Variants in INTS7 observed in about 807,000 individuals in gnomAD.
INTS7 encodes the protein chromosome 1 open reading frame 73.
In INTS7, 46 loss-of-function variants were observed where a neutral mutation model predicts 109.2. The ratio of observed to expected loss-of-function variants is 0.42; its 90% CI spans 0.33 to 0.54. The LOEUF (loss-of-function observed/expected upper bound fraction) is 0.54, where lower values mean the gene tolerates loss of function less well. Ranked by LOEUF, INTS7 falls within the 20% of genes least tolerant of loss-of-function variation. INTS7 has a pLI of 0.07. For missense variants in INTS7, 929 were observed against 1,132.4 expected (o/e 0.82, Z 2.58); for synonymous variants, 412 against 402.9 (o/e 1.02, Z -0.27).
At chr1:211,973,154 C>T (rs908292613) in intron 13 of INTS7, among the ~76,000 whole-genome samples, 3 of 152,140 alleles carry the variant, frequency 2.0e-5, no homozygotes, top group Non-Finnish European at 4.4e-5. Context: ...CAACATTGCC[C>T]AGGCTGGTCT....
chr1:212,024,761 ATAGTCTGC>A lies in INTS7; in HGVS notation c.95-3557_95-3550del, dbSNP rs561699067. On this transcript the variant is annotated intron_variant, in intron 1 of 19. Transcript: ENST00000366994. ...GCAGCTTTGAAATGATTACAAACAC[ATAGTCTGC>A]TATTGTGAGTGAAATTTTCTGCTGT... 2.0e-4 allele frequency among the ~76,000 whole-genome samples: 30 copies of A among 152,332 alleles called. 1 individual carries two copies. The South Asian group carries it at 3.1e-3, about 16-fold the overall frequency.
intron 1 of INTS7, among the ~76,000 whole-genome samples, chr1:212,028,118 C>A (rs556558425): frequency 7.2e-5 from 11 of 152,310 alleles, no homozygotes; most frequent in African/African-American, 2.2e-4. Context: ...TGAGCCACTG[C>A]GCCCAGCCAG....
chr1:211,943,819 A>T (rs1318572548), intron 19 of INTS7, among the ~76,000 whole-genome samples: 7 of 152,210 alleles, frequency 4.6e-5, no homozygotes, highest in Non-Finnish European at 7.4e-5. Flanking sequence ...TGCCACAATA[A>T]ACCTGGACAC....
At chr1:212,001,752 C>T (rs1385186922) in intron 7 of INTS7, among the ~76,000 whole-genome samples, 2 of 152,206 alleles carry the variant, frequency 1.3e-5, no homozygotes, top group African/African-American at 4.8e-5. Flanking sequence ...GCGAATATGG[C>T]TGCAGTAGCT....
chr1:212,034,039 C>T (rs1332005548), intron 1 of INTS7, among the ~76,000 whole-genome samples: 1 of 151,778 alleles, frequency 6.6e-6, no homozygotes, highest in Non-Finnish European at 1.5e-5. Flanking sequence ...GCCGAGATGG[C>T]GCCACTGCAC....
At chr1:211,956,898 A>C (rs769879724) in intron 16 of INTS7, among the ~76,000 whole-genome samples, 3 of 152,234 alleles carry the variant, frequency 2.0e-5, no homozygotes, top group Admixed American at 6.5e-5. Flanking sequence ...ATTTGTGTAT[A>C]CATCTGTGTG....
chr1:212,012,786 G>A (rs182158786), intron 4 of INTS7, among the ~76,000 whole-genome samples: 3 of 152,216 alleles, frequency 2.0e-5, no homozygotes, highest in Admixed American at 2.0e-4. Flanking sequence ...TTTGCAGAGT[G>A]AAATAAAATT....
rs568265478 is a variant in INTS7 at position 211,988,597 on chromosome 1, T to C, written c.880-594A>G. 1.1e-4 allele frequency among the ~76,000 whole-genome samples: 16 copies of C among 152,288 alleles called. No homozygotes were observed. The South Asian group carries it at 2.9e-3, about 28-fold the overall frequency. On this transcript the variant is annotated intron_variant, in intron 7 of 19. Coordinates refer to ENST00000366994, the MANE Select transcript of INTS7 (RefSeq NM_015434.4). ...GTTAATAATAACAATGTATCAATAT[T>C]GGTTCATTTATAACAAAAGTACTAT...
chr1:212,011,624 C>T (rs1041915101), intron 4 of INTS7: 2 of 553,416 alleles, frequency 3.6e-6, no homozygotes, highest in African/African-American at 3.8e-5. Context: ...TGGGCTATGC[C>T]AACACTGCTC....
At chr1:211,966,311 A>G in intron 16 of INTS7, 119 bp downstream of exon 16, 1 of 538,934 alleles carries the variant, frequency 1.9e-6, no homozygotes, top group Non-Finnish European at 3.3e-6. Context: ...ATGCTGAAGA[A>G]TTCTTCCACT....
At chr1:211,948,187 AAGGCTAAAAGCC>A (rs1482870345) in intron 17 of INTS7, among the ~76,000 whole-genome samples, 1 of 152,186 alleles carries the variant, frequency 6.6e-6, no homozygotes, top group Non-Finnish European at 1.5e-5. Flanking sequence ...GTTGGGTGTT[AAGGCTAAAAGCC>A]AGAAAAATCC....
intron 4 of INTS7, among the ~76,000 whole-genome samples, chr1:212,014,183 G>A (rs1252578865): frequency 1.3e-5 from 2 of 152,130 alleles, no homozygotes; most frequent in Non-Finnish European, 2.9e-5. Flanking sequence ...TAGCTGAAGG[G>A]GCCGGGCACA....
At chr1:212,030,836 C>G (rs568822685) in intron 1 of INTS7, 13 of 152,354 alleles carry the variant, frequency 8.5e-5, no homozygotes, top group Admixed American at 3.3e-4. Context: ...CCAACAACAT[C>G]TGAGCCATAT....
At chr1:211,950,754 T>C (rs1663048726) in intron 17 of INTS7, among the ~76,000 whole-genome samples, 1 of 152,256 alleles carries the variant, frequency 6.6e-6, no homozygotes, top group East Asian at 1.9e-4. Context: ...AATTTGAACC[T>C]AGTTCTGAAT....
At chr1:211,994,784 T>TA (rs141582319) in intron 7 of INTS7, among the ~76,000 whole-genome samples, 161 of 140,814 alleles carry the variant, frequency 1.1e-3, no homozygotes, top group East Asian at 4.8e-3. Flanking sequence ...TATGTTCAAT[T>TA]AAAAAAAAAA....
At chr1:211,983,888 C>T (rs1261349912) in intron 8 of INTS7, among the ~76,000 whole-genome samples, 1 of 151,112 alleles carries the variant, frequency 6.6e-6, no homozygotes, top group Non-Finnish European at 1.5e-5. Context: ...CACTCTGTTG[C>T]CCAGGCTGGA....
chr1:212,009,890 G>T (rs866227525), intron 5 of INTS7, among the ~76,000 whole-genome samples: 12 of 152,216 alleles, frequency 7.9e-5, no homozygotes, highest in Non-Finnish European at 1.5e-4. Context: ...ACACAACAAA[G>T]CTCATTCACT....
At chr1:212,005,665 T>A (rs1665873458) in intron 7 of INTS7, among the ~76,000 whole-genome samples, 1 of 152,200 alleles carries the variant, frequency 6.6e-6, no homozygotes, top group Non-Finnish European at 1.5e-5. Context: ...GCTGGGCACA[T>A]TCTCTTCTTG....
At position 211,978,644 on chromosome 1, in the gene INTS7, A is replaced by G. The variant is rs1055776311; in HGVS notation, c.1231-133T>C. 9 of 902,756 alleles carry G rather than the reference A, an allele frequency of 1.0e-5. No homozygotes were observed. In the Admixed American group the frequency reaches 2.5e-4, roughly 25 times the overall value. 55.9% of individuals were successfully genotyped at this position (902,756 alleles called of 1,614,324 possible). ...TTGTAGGCATAACATTTTACTTCATAAGAAATATGAGGTACTGAATCTCAC... is the reference window on the plus strand; with the variant it reads ...TTGTAGGCATAACATTTTACTTCATGAGAAATATGAGGTACTGAATCTCAC... On this transcript the variant is annotated intron_variant, in intron 10 of 19. Coordinates refer to ENST00000366994, the MANE Select transcript of INTS7 (RefSeq NM_015434.4).
Sources: gnomAD v4.1 joint callset for allele counts (sites outside exome capture counted in the v4.1 genomes callset) on GRCh38, gnomAD v4.1.1 for gene constraint, MANE v1.5 for transcripts, NCBI Gene and HGNC (gene_info 2026-07-23, HGNC 2026-07-21) for gene names.